The following FNIP2 variants were observed in gnomAD, a reference collection of about 807,000 sequenced individuals.
FNIP2 encodes the protein folliculin-interacting protein 2.
A neutral mutation model predicts 108.7 loss-of-function variants in FNIP2; 32 were observed. The observed-to-expected ratio is 0.29, with a 90% confidence interval of 0.22 to 0.40. The LOEUF is 0.40. FNIP2 is among the 10% of genes least tolerant of loss of function. The pLI, the probability that FNIP2 is intolerant of heterozygous loss-of-function variation, is 1.00. For synonymous variants in FNIP2, 480 were observed against 496.7 expected, an observed-to-expected ratio of 0.97 and a Z score of 0.45; for missense variants, 1,202 against 1,381.6, an observed-to-expected ratio of 0.87 and a Z score of 2.06.
chr4:158,816,872 T>C lies in FNIP2; in HGVS notation c.108-9044T>C, dbSNP rs187242340. ...TAAAGCTCTTTTTTTTTTGTCAGTT[T>C]GGCTATTTTTAAGTACAAGTAGTTT... is the stretch of plus-strand genomic sequence containing the variant. On this transcript the variant is annotated intron_variant, in intron 1 of 16. Coordinates refer to ENST00000264433, the MANE Select transcript of FNIP2 (RefSeq NM_020840.3). 2.1e-4 allele frequency among the ~76,000 whole-genome samples: 32 copies of C among 152,062 alleles called. No individual in the cohort carries two copies. The East Asian group carries it at 6.2e-3, about 29-fold the overall frequency.
At chr4:158,802,737 C>T (rs1312776257) in intron 1 of FNIP2, among the ~76,000 whole-genome samples, 2 of 151,986 alleles carry the variant, frequency 1.3e-5, no homozygotes, top group African/African-American at 2.4e-5. Context: ...GCACTGCATC[C>T]GAAGGTTTTG....
intron 3 of FNIP2, among the ~76,000 whole-genome samples, chr4:158,829,533 T>C (rs1778346755): frequency 6.6e-6 from 1 of 152,200 alleles, no homozygotes; most frequent in Admixed American, 6.5e-5. Flanking sequence ...AAACATGTAC[T>C]TTCCAGTTTT....
chr4:158,882,391 C>A (rs1781719637), intron 14 of FNIP2, among the ~76,000 whole-genome samples: 1 of 151,568 alleles, frequency 6.6e-6, no homozygotes, highest in Non-Finnish European at 1.5e-5. Flanking sequence ...GGGGGCGCCT[C>A]CGCCCGGCCA....
At chr4:158,837,680 G>T (rs1778884296) in intron 7 of FNIP2, among the ~76,000 whole-genome samples, 1 of 152,202 alleles carries the variant, frequency 6.6e-6, no homozygotes, top group Admixed American at 6.5e-5. Context: ...AGATCAGAAT[G>T]CTTTTTTGCA....
chr4:158,889,146 C>T (rs1157228146), intron 14 of FNIP2, among the ~76,000 whole-genome samples: 3 of 152,158 alleles, frequency 2.0e-5, no homozygotes, highest in African/African-American at 7.2e-5. Context: ...GAACTGTGAT[C>T]AGACTTCTGC....
chr4:158,892,945 AAG>A (rs149341215), intron 15 of FNIP2, among the ~76,000 whole-genome samples: 5,265 of 152,290 alleles, frequency 0.035, 133 homozygotes, highest in Admixed American at 0.054. Flanking sequence ...ATTCCTCAAA[AAG>A]AGTCTAGACT....
rs554435473 is a variant in FNIP2, at chr4:158,796,651, T to C, written c.107+27332T>C. Reference sequence around the variant, plus strand: ...AACTCAAATAGGACAGTGAGTACTTTTGGGCTTGTGTATATAAAAATTAAC... The same window carrying C: ...AACTCAAATAGGACAGTGAGTACTTCTGGGCTTGTGTATATAAAAATTAAC... On this transcript the variant is annotated intron_variant, in intron 1 of 16. Coordinates refer to ENST00000264433, the MANE Select transcript of FNIP2 (RefSeq NM_020840.3). 2.6e-5 allele frequency among the ~76,000 whole-genome samples: 4 copies of C among 152,360 alleles called. No individual in the cohort carries two copies. The South Asian group carries it at 6.2e-4, about 24-fold the overall frequency.
At position 158,868,305 on chromosome 4, in the gene FNIP2, T is replaced by C. The variant is rs1780706007; in HGVS notation, c.1669T>C (p.Leu557=). Residue 557 remains leucine, a synonymous_variant, in exon 13 of 17, where the codon TTG becomes CTG. Transcript: ENST00000264433. The surrounding 1 kb of genome is among the most constrained non-coding windows in gnomAD (Gnocchi z 4.6). Reference sequence around the variant, plus strand: ...AAATGGGAGCAAGATCATAACAGCCTTGGAGAAAGGAGAGGTGGAGGAGTC... The same window carrying C: ...AAATGGGAGCAAGATCATAACAGCCCTGGAGAAAGGAGAGGTGGAGGAGTC... ...VLNGSKIITA[L]EKGEVEESEY... is the part of the protein sequence containing the mutation. The C allele has an allele frequency of 6.2e-7, 1 of 1,613,868 alleles. No individual in the cohort carries two copies. Among genetic ancestry groups the C allele is most frequent in the African/African-American group, 1.3e-5 (1 of 74,908 alleles).
Position 158,831,855 on chromosome 4 carries a change from A to G in FNIP2, c.382-6A>G. On this transcript the variant is annotated splice_region_variant and splice_polypyrimidine_tract_variant and intron_variant, in intron 3 of 16. Transcript: ENST00000264433. ...ACTAACTTTGATTTTGTTTTCTTGC[A>G]TGTAGTACACAAGACCAGCTTCCGA... 2 of 1,602,872 alleles carry G rather than the reference A, an allele frequency of 1.2e-6. No homozygotes were observed. The highest frequency in any genetic ancestry group is 1.7e-5 in the Admixed American group (1 of 59,074).
chr4:158,901,742 C>T lies in FNIP2; in HGVS notation c.3267-2724C>T, dbSNP rs187450047. 5.9e-5 allele frequency among the ~76,000 whole-genome samples: 9 copies of T among 151,860 alleles called. No individual in the cohort carries two copies. In the South Asian group the frequency reaches 6.3e-4, roughly 11 times the overall value. The stretch of plus-strand genomic sequence containing the variant: ...CGCTTTATTTCATTAAGTTGATCTT[C>T]AATCTCTGATAGCCTTTCTTCTGCT... On this transcript the variant is annotated intron_variant, in intron 16 of 16. Transcript: ENST00000264433.
chr4:158,816,369 G>A (rs1445833685), intron 1 of FNIP2, among the ~76,000 whole-genome samples: 1 of 152,130 alleles, frequency 6.6e-6, no homozygotes, highest in Non-Finnish European at 1.5e-5. Flanking sequence ...TGAGGGAGGG[G>A]AAAGATATGA....
At chr4:158,827,588 T>C (rs1035134105) in intron 2 of FNIP2, among the ~76,000 whole-genome samples, 1 of 152,208 alleles carries the variant, frequency 6.6e-6, no homozygotes, top group African/African-American at 2.4e-5. Context: ...AGCATTGTAC[T>C]CCAGCCAAAG....
At chr4:158,847,660 G>C (rs930631281) in intron 7 of FNIP2, among the ~76,000 whole-genome samples, 1 of 152,082 alleles carries the variant, frequency 6.6e-6, no homozygotes, top group African/African-American at 2.4e-5. Flanking sequence ...ACGGTACCAG[G>C]TTGGCCATAG....
chr4:158,811,764 A>G (rs1373803326), intron 1 of FNIP2, among the ~76,000 whole-genome samples: 1 of 152,206 alleles, frequency 6.6e-6, no homozygotes. Flanking sequence ...CCTTCCAGCT[A>G]ACATTCTGAT....
intron 1 of FNIP2, among the ~76,000 whole-genome samples, chr4:158,779,733 C>A (rs916044887): frequency 2.1e-5 from 3 of 143,210 alleles, no homozygotes; most frequent in Non-Finnish European, 3.1e-5. Flanking sequence ...ACCACCATAC[C>A]CACCTTTTTT....
chr4:158,861,951 T>C (rs139600336), intron 12 of FNIP2, among the ~76,000 whole-genome samples, 175 bp downstream of exon 12: 1 of 152,180 alleles, frequency 6.6e-6, no homozygotes, highest in African/African-American at 2.4e-5. Flanking sequence ...CCTTCCTCTC[T>C]TTTTTCCCCT....
intron 5 of FNIP2, among the ~76,000 whole-genome samples, chr4:158,833,247 G>A (rs558661978): frequency 1.3e-5 from 2 of 152,178 alleles, no homozygotes; most frequent in Non-Finnish European, 2.9e-5. Context: ...GCAAAATTTA[G>A]AGTTTGGTGT....
intron 14 of FNIP2, among the ~76,000 whole-genome samples, chr4:158,882,274 AC>A (rs1781702597): frequency 7.0e-6 from 1 of 143,796 alleles, no homozygotes; most frequent in South Asian, 2.2e-4. Flanking sequence ...CCTGGCAGCC[AC>A]CCCGTCTGGG....
rs1190503291 is a variant in FNIP2, at chr4:158,769,194, G to C, written c.-19G>C. On this transcript the variant is annotated 5_prime_UTR_variant, in exon 1 of 17. Coordinates refer to ENST00000264433, the MANE Select transcript of FNIP2 (RefSeq NM_020840.3). ...GCCGGCCCCCCGAGCGCCACGGCCGGAGCTGCGGCGGCGGCATCATGGCCC... is the reference window on the plus strand; with the variant it reads ...GCCGGCCCCCCGAGCGCCACGGCCGCAGCTGCGGCGGCGGCATCATGGCCC... The C allele has an allele frequency of 2.2e-6, 3 of 1,348,348 alleles. No individual in the cohort carries two copies. Among genetic ancestry groups the C allele is most frequent in the Non-Finnish European group, 2.9e-6 (3 of 1,034,414 alleles). 83.5% of individuals were successfully genotyped at this position (1,348,348 alleles called of 1,614,324 possible). A position where few individuals can be genotyped will look rare whatever the true frequency, so the allele number is the denominator to read the frequency against.
Sources: gnomAD v4.1 joint callset for allele counts (sites outside exome capture counted in the v4.1 genomes callset) on GRCh38, gnomAD v4.1.1 for gene constraint, Gnocchi (gnomAD v3.1) non-coding constraint, MANE v1.5 for transcripts, NCBI Gene and HGNC (gene_info 2026-07-23, HGNC 2026-07-21) for gene names.